AGAP1: variants seen among roughly 807,000 people sequenced by gnomAD.
The protein encoded by AGAP1 is arf-GAP with GTPase, ANK repeat and PH domain-containing protein 1.
AGAP1 carries 29 observed loss-of-function variants against 105.3 expected under a neutral mutation model. The ratio of observed to expected loss-of-function variants is 0.28; its 90% confidence interval spans 0.21 to 0.38. AGAP1 has a LOEUF of 0.38. Ranked by LOEUF, AGAP1 falls within the 10% of genes least tolerant of loss-of-function variation. The probability of loss-of-function intolerance (pLI) is 1.00; values close to 1 mark genes in which losing one functional copy is unlikely to be tolerated. For synonymous variants in AGAP1, 509 were observed against 485.9 expected, an observed-to-expected ratio of 1.05 and a Z score of -0.63; for missense variants, 998 against 1,165.1, an observed-to-expected ratio of 0.86 and a Z score of 2.09.
In AGAP1 at chr2:235,750,519, A is replaced by G; in HGVS notation, c.673+31A>G. ...TGCGCGTGGCTGGGAGTTTAATTTC[A>G]GTTCATGATAGACGGGAGGCACTTC... On this transcript the variant is annotated intron_variant, in intron 6 of 17. Transcript: ENST00000304032. This position sits in a 1 kb window ranked among gnomAD's most constrained non-coding sequence, Gnocchi z 5.3. The G allele has an allele frequency of 6.2e-7, 1 of 1,612,742 alleles. No individual in the cohort carries two copies. Among genetic ancestry groups the G allele is most frequent in the African/African-American group, 1.3e-5 (1 of 75,026 alleles).
In AGAP1 at chr2:235,792,273, CCA is replaced by C. The variant is rs980610863; in HGVS notation, c.674-5484_674-5483del. Among the ~76,000 whole-genome samples, 2 of 152,142 alleles carry C rather than the reference CCA, an allele frequency of 1.3e-5. No individual in the cohort carries two copies. The highest frequency in any genetic ancestry group is 4.8e-5 in the African/African-American group (2 of 41,430). On this transcript the variant is annotated intron_variant, in intron 6 of 17. Coordinates refer to ENST00000304032, the MANE Select transcript of AGAP1 (RefSeq NM_001037131.3). This position sits in a 1 kb window ranked among gnomAD's most constrained non-coding sequence, Gnocchi z 5.3. ...CTGTGTCTTCCTTAGTTCTCTGCCC[CCA>C]CTTTTCCCCACCCTTCACGTGTCAT...
chr2:235,891,781 G>C lies in AGAP1; in HGVS notation c.1155+8332G>C, dbSNP rs2050557749. ...GTCCTGGCTCTCTGGGCTTCCTCAG[G>C]AGGTCGTTTGGCAGCTGTGAAACTC... is the stretch of plus-strand genomic sequence containing the variant. On this transcript the variant is annotated intron_variant, in intron 10 of 17. Transcript: ENST00000304032. This position sits in a 1 kb window ranked among gnomAD's most constrained non-coding sequence, Gnocchi z 4.2. Among the ~76,000 whole-genome samples, 1 of 152,114 alleles carries C rather than the reference G, an allele frequency of 6.6e-6. No homozygotes were observed. Among genetic ancestry groups the C allele is most frequent in the Admixed American group, 6.5e-5 (1 of 15,270 alleles).
intron 16 of AGAP1, among the ~76,000 whole-genome samples, chr2:236,110,160 C>T (rs2059607089): frequency 6.6e-6 from 1 of 152,192 alleles, no homozygotes; most frequent in South Asian, 2.1e-4. Flanking sequence ...TAGGACCTTC[C>T]TCACTAGGTG....
Position 235,610,432 on chromosome 2 carries a change from T to C in AGAP1, c.164-98747T>C, listed in dbSNP as rs2149252804. On this transcript the variant is annotated intron_variant, in intron 1 of 17. Coordinates refer to ENST00000304032, the MANE Select transcript of AGAP1 (RefSeq NM_001037131.3). This position sits in a 1 kb window ranked among gnomAD's most constrained non-coding sequence, Gnocchi z 4.9. ...TCAGGGTGCTGGCATGGTTGGACTC[T>C]GGAGAGACTCTTGTCCTGACTTCTA... Among the ~76,000 whole-genome samples the C allele has an allele frequency of 6.6e-6, 1 of 152,290 alleles. No homozygotes were observed. Among genetic ancestry groups the C allele is most frequent in the Non-Finnish European group, 1.5e-5 (1 of 68,032 alleles).
intron 9 of AGAP1, among the ~76,000 whole-genome samples, chr2:235,811,351 G>A (rs901430545): frequency 6.6e-6 from 1 of 152,174 alleles, no homozygotes; most frequent in South Asian, 2.1e-4. Flanking sequence ...TGAATTTTTT[G>A]AAAATCATGC....
rs946696888 is a variant in AGAP1 at position 235,887,122 on chromosome 2, G to A, written c.1155+3673G>A. On this transcript the variant is annotated intron_variant, in intron 10 of 17. Transcript: ENST00000304032. This position sits in a 1 kb window ranked among gnomAD's most constrained non-coding sequence, Gnocchi z 4.1. The stretch of plus-strand genomic sequence containing the variant: ...TCAGTCTGGAAAATTTCAAAAGATC[G>A]TAGAACCAGATGATCTCAGTTAAAC... Among the ~76,000 whole-genome samples the A allele has an allele frequency of 8.5e-5, 13 of 152,122 alleles. No individual in the cohort carries two copies. The highest frequency in any genetic ancestry group is 4.2e-4 in the South Asian group (2 of 4,810).
At position 235,500,595 on chromosome 2, in the gene AGAP1, C is replaced by T. The variant is rs541023805; in HGVS notation, c.163+5746C>T. 2.6e-5 allele frequency among the ~76,000 whole-genome samples: 4 copies of T among 152,184 alleles called. No homozygotes were observed. In the East Asian group the frequency reaches 7.7e-4, roughly 29 times the overall value. On this transcript the variant is annotated intron_variant, in intron 1 of 17. Coordinates refer to ENST00000304032, the MANE Select transcript of AGAP1 (RefSeq NM_001037131.3). ...GCCCTGCAGGTTTCAGGTGAAGACA[C>T]CTAAGGCCAGCTGCTCAGGGAGTTG...
At position 235,845,438 on chromosome 2, in the gene AGAP1, G is replaced by A. The variant is rs1255948928; in HGVS notation, c.1051-37907G>A. 1.3e-5 allele frequency among the ~76,000 whole-genome samples: 2 copies of A among 148,790 alleles called. No homozygotes were observed. The highest frequency in any genetic ancestry group is 4.9e-5 in the African/African-American group (2 of 41,150). Reference sequence around the variant, plus strand: ...ACCCTGAGTTCCTGAGTCAGCAAACGGAATGGGGGAATGAGCATTGTTCAG... The same window carrying A: ...ACCCTGAGTTCCTGAGTCAGCAAACAGAATGGGGGAATGAGCATTGTTCAG... On this transcript the variant is annotated intron_variant, in intron 9 of 17. Coordinates refer to ENST00000304032, the MANE Select transcript of AGAP1 (RefSeq NM_001037131.3). The surrounding 1 kb of genome is among the most constrained non-coding windows in gnomAD (Gnocchi z 4.8).
In AGAP1 at chr2:235,553,283, G is replaced by C. The variant is rs888630204; in HGVS notation, c.163+58434G>C. ...GAAGAGGAGGGGGTTGAGATCAAGAGATGACCAACGACTGGACATCTGGGA... is the reference window on the plus strand; with the variant it reads ...GAAGAGGAGGGGGTTGAGATCAAGACATGACCAACGACTGGACATCTGGGA... On this transcript the variant is annotated intron_variant, in intron 1 of 17. Coordinates refer to ENST00000304032, the MANE Select transcript of AGAP1 (RefSeq NM_001037131.3). The surrounding 1 kb of genome is among the most constrained non-coding windows in gnomAD (Gnocchi z 4.5). Among the ~76,000 whole-genome samples the C allele has an allele frequency of 1.3e-5, 2 of 151,912 alleles. No individual in the cohort carries two copies. The highest frequency in any genetic ancestry group is 3.9e-4 in the East Asian group (2 of 5,164).
intron 16 of AGAP1, among the ~76,000 whole-genome samples, chr2:236,088,612 T>A (rs2058987096): frequency 2.0e-5 from 3 of 152,260 alleles, no homozygotes; most frequent in Admixed American, 1.3e-4. Context: ...ACTGATGCAT[T>A]TTGTATTCTT....
chr2:235,675,916 C>CTGCTCCAGAGG (rs780092959), intron 1 of AGAP1, among the ~76,000 whole-genome samples: 5 of 152,238 alleles, frequency 3.3e-5, no homozygotes, highest in Admixed American at 6.5e-5. Context: ...AAAAGTACAT[C>CTGCTCCAGAGG]TGCTCCAGAG....
At position 235,927,912 on chromosome 2, in the gene AGAP1, G is replaced by A. The variant is rs2052531498; in HGVS notation, c.1325-2853G>A. On this transcript the variant is annotated intron_variant, in intron 11 of 17. Coordinates refer to ENST00000304032, the MANE Select transcript of AGAP1 (RefSeq NM_001037131.3). The surrounding 1 kb of genome is among the most constrained non-coding windows in gnomAD (Gnocchi z 4.4). ...ATTTGGACCTTGTGTGCCTAAAGCTGGTATAAAATGAGGTCTGTGGACAGA... is the reference window on the plus strand; with the variant it reads ...ATTTGGACCTTGTGTGCCTAAAGCTAGTATAAAATGAGGTCTGTGGACAGA... Among the ~76,000 whole-genome samples the A allele has an allele frequency of 6.6e-6, 1 of 152,148 alleles. No individual in the cohort carries two copies. The highest frequency in any genetic ancestry group is 6.5e-5 in the Admixed American group (1 of 15,288).
At chr2:235,640,453 C>T (rs1223880026) in intron 1 of AGAP1, among the ~76,000 whole-genome samples, 2 of 152,220 alleles carry the variant, frequency 1.3e-5, no homozygotes, top group Admixed American at 1.3e-4. Context: ...CATCTCAGAA[C>T]TTAGGAACAA....
At chr2:235,876,751 T>C (rs2049758174) in intron 9 of AGAP1, among the ~76,000 whole-genome samples, 1 of 152,200 alleles carries the variant, frequency 6.6e-6, no homozygotes, top group South Asian at 2.1e-4. Flanking sequence ...GCGTTCTCCT[T>C]GCCTGCCTTC....
rs562040281 is a variant in AGAP1, at chr2:235,601,615, C to G, written c.163+106766C>G. Among the ~76,000 whole-genome samples the G allele has an allele frequency of 6.6e-6, 1 of 152,252 alleles. No individual in the cohort carries two copies. The highest frequency in any genetic ancestry group is 1.9e-4 in the East Asian group (1 of 5,166). ...CAGAACAGAATAGGGGAACCCACCCCCAAGATTCAGTAACCTCCCACTGGG... is the reference window on the plus strand; with the variant it reads ...CAGAACAGAATAGGGGAACCCACCCGCAAGATTCAGTAACCTCCCACTGGG... On this transcript the variant is annotated intron_variant, in intron 1 of 17. Coordinates refer to ENST00000304032, the MANE Select transcript of AGAP1 (RefSeq NM_001037131.3). This position sits in a 1 kb window ranked among gnomAD's most constrained non-coding sequence, Gnocchi z 4.4.
intron 10 of AGAP1, among the ~76,000 whole-genome samples, chr2:235,899,019 A>G (rs865902626): frequency 6.6e-6 from 1 of 152,316 alleles, no homozygotes; most frequent in Middle Eastern, 3.4e-3. Flanking sequence ...TGTAAAAGCA[A>G]TGCATGGGAA....
At chr2:236,059,315 G>A (rs959256969) in intron 16 of AGAP1, among the ~76,000 whole-genome samples, 1 of 152,014 alleles carries the variant, frequency 6.6e-6, no homozygotes, top group Non-Finnish European at 1.5e-5. Context: ...AAGCATCATC[G>A]AAAGAAATTA....
intron 10 of AGAP1, among the ~76,000 whole-genome samples, chr2:235,898,040 C>T (rs868351749): frequency 1.1e-4 from 16 of 152,132 alleles, no homozygotes; most frequent in African/African-American, 3.6e-4. Flanking sequence ...CTGGGAGGGC[C>T]ACCTCTGCCG....
chr2:235,508,870 A>G (rs567304480), intron 1 of AGAP1, among the ~76,000 whole-genome samples: 2 of 152,376 alleles, frequency 1.3e-5, no homozygotes, highest in East Asian at 1.9e-4. Flanking sequence ...CTGTGCATCA[A>G]AGCGATTTGC....
Sources: gnomAD v4.1 joint callset for allele counts (sites outside exome capture counted in the v4.1 genomes callset) on GRCh38, gnomAD v4.1.1 for gene constraint, Gnocchi (gnomAD v3.1) non-coding constraint, MANE v1.5 for transcripts, NCBI Gene and HGNC (gene_info 2026-07-23, HGNC 2026-07-21) for gene names.